The following KSR2 variants were observed in gnomAD, a reference collection of about 807,000 sequenced individuals.
KSR2 encodes kinase suppressor of ras 2.
A neutral mutation model predicts 107.8 loss-of-function variants in KSR2; 25 were observed. The ratio of observed to expected loss-of-function variants is 0.23; its 90% CI spans 0.17 to 0.32. KSR2 has a LOEUF of 0.32. Among genes scored for constraint, KSR2 ranks in the 10% least tolerant of loss-of-function variants. KSR2 has a pLI of 1.00. For synonymous variants in KSR2, 480 were observed against 507.0 expected (o/e 0.95, Z 0.71); for missense variants, 887 against 1,268.9 (o/e 0.70, Z 4.57).
At chr12:117,559,142 C>G (rs1164856193) in intron 7 of KSR2, among the ~76,000 whole-genome samples, 4 of 151,996 alleles carry the variant, frequency 2.6e-5, no homozygotes, top group Non-Finnish European at 4.4e-5. Context: ...GTCTGGAAAG[C>G]TCTGGGTGCT....
chr12:117,935,895 C>A (rs534988209), intron 1 of KSR2, among the ~76,000 whole-genome samples: 13 of 152,338 alleles, frequency 8.5e-5, no homozygotes, highest in African/African-American at 3.1e-4. Flanking sequence ...CTTTTCCCCC[C>A]AGAGGTCCCC....
intron 5 of KSR2, among the ~76,000 whole-genome samples, chr12:117,659,876 G>A (rs1884352194): frequency 6.6e-6 from 1 of 152,218 alleles, no homozygotes; most frequent in Admixed American, 6.5e-5. Context: ...TTTAAAATGG[G>A]AGAGTGCTTG....
intron 1 of KSR2, among the ~76,000 whole-genome samples, chr12:117,870,425 A>AC: frequency 6.6e-6 from 1 of 152,026 alleles, no homozygotes; most frequent in Non-Finnish European, 1.5e-5. Context: ...ACATAGTGAA[A>AC]CCCCATCTCT....
intron 5 of KSR2, among the ~76,000 whole-genome samples, chr12:117,644,028 T>G (rs1205060209): frequency 6.6e-6 from 1 of 152,236 alleles, no homozygotes; most frequent in African/African-American, 2.4e-5. Flanking sequence ...CACAGGCTGA[T>G]CTGTCTGTCG....
Position 117,964,169 on chromosome 12 carries a change from T to C in KSR2, c.180+3907A>G, listed in dbSNP as rs574089645. Among the ~76,000 whole-genome samples, 38 of 152,158 alleles carry C rather than the reference T, an allele frequency of 2.5e-4. No individual in the cohort carries two copies. The South Asian group carries it at 5.4e-3, about 22-fold the overall frequency. On this transcript the variant is annotated intron_variant, in intron 1 of 19. Transcript: ENST00000339824. Reference sequence around the variant, plus strand: ...GGCGGGCATCTGTAATCCCAGCTATTTGGGAGGCTGAGGCAAGAGAATCAC... The same window carrying C: ...GGCGGGCATCTGTAATCCCAGCTATCTGGGAGGCTGAGGCAAGAGAATCAC...
chr12:117,732,102 C>G (rs970504694), intron 4 of KSR2, among the ~76,000 whole-genome samples: 1 of 151,770 alleles, frequency 6.6e-6, no homozygotes, highest in Non-Finnish European at 1.5e-5. Flanking sequence ...TGCCACAGTT[C>G]TCTCTCTACC....
intron 4 of KSR2, among the ~76,000 whole-genome samples, chr12:117,698,357 A>C (rs543969175): frequency 6.6e-6 from 1 of 151,212 alleles, no homozygotes; most frequent in East Asian, 1.9e-4. Context: ...GGATCTCACT[A>C]TAGGCTGGCA....
At chr12:117,698,695 C>T (rs1886172165) in intron 4 of KSR2, among the ~76,000 whole-genome samples, 1 of 152,186 alleles carries the variant, frequency 6.6e-6, no homozygotes, top group African/African-American at 2.4e-5. Context: ...ACACCCAGAT[C>T]CAGAGCTCCA....
At chr12:117,703,071 C>T (rs151290754) in intron 4 of KSR2, among the ~76,000 whole-genome samples, 73 of 151,910 alleles carry the variant, frequency 4.8e-4, no homozygotes, top group African/African-American at 1.6e-3. Context: ...ACCCAAGAAA[C>T]GAGGGGGAAC....
chr12:117,575,629 T>C (rs1164778659), intron 7 of KSR2, among the ~76,000 whole-genome samples: 3 of 152,216 alleles, frequency 2.0e-5, no homozygotes, highest in Non-Finnish European at 4.4e-5. Flanking sequence ...ATATTAGCAA[T>C]GCATGCTCAT....
intron 4 of KSR2, among the ~76,000 whole-genome samples, chr12:117,731,215 T>C (rs1212644033): frequency 9.7e-6 from 1 of 102,964 alleles, no homozygotes; most frequent in Admixed American, 9.7e-5. Context: ...GTCTGGGAGG[T>C]GAGGAGTGTC....
chr12:117,956,824 A>C (rs1213962190), intron 1 of KSR2, among the ~76,000 whole-genome samples: 1 of 152,190 alleles, frequency 6.6e-6, no homozygotes, highest in East Asian at 1.9e-4. Flanking sequence ...TTTGACACTA[A>C]CAGCACATTT....
intron 4 of KSR2, among the ~76,000 whole-genome samples, chr12:117,670,185 G>A (rs1319408239): frequency 6.6e-6 from 1 of 152,070 alleles, no homozygotes; most frequent in East Asian, 1.9e-4. Flanking sequence ...CATAAAACAT[G>A]GACATTTAAA....
chr12:117,762,452 C>T (rs1889070585), intron 3 of KSR2, among the ~76,000 whole-genome samples: 1 of 152,174 alleles, frequency 6.6e-6, no homozygotes, highest in Non-Finnish European at 1.5e-5. Context: ...CAGATGAGAC[C>T]CTGGTCCCCT....
chr12:117,497,818 G>C (rs1475984399), intron 14 of KSR2, among the ~76,000 whole-genome samples: 1 of 152,196 alleles, frequency 6.6e-6, no homozygotes, highest in African/African-American at 2.4e-5. Context: ...GCTCAGCCTT[G>C]CTTTGGAGAC....
intron 4 of KSR2, among the ~76,000 whole-genome samples, chr12:117,740,365 ATATT>A (rs1293878494): frequency 1.4e-5 from 2 of 141,120 alleles, no homozygotes; most frequent in African/African-American, 2.6e-5. Flanking sequence ...TAGTATATAT[ATATT>A]AGATATGTTA....
At chr12:117,567,537 A>C (rs10850842) in intron 7 of KSR2, among the ~76,000 whole-genome samples, 42,275 of 151,556 alleles carry the variant, frequency 0.28, 6,263 homozygotes, top group Middle Eastern at 0.42. Context: ...TTGAAAAGAC[A>C]CCCTCTGGCA....
At chr12:117,850,433 A>C (rs1892877950) in intron 3 of KSR2, among the ~76,000 whole-genome samples, 1 of 152,228 alleles carries the variant, frequency 6.6e-6, no homozygotes, top group South Asian at 2.1e-4. Context: ...AGCCTCATCT[A>C]GAAAACTCTA....
chr12:117,592,262 C>T (rs1880367952), intron 5 of KSR2, among the ~76,000 whole-genome samples: 3 of 151,798 alleles, frequency 2.0e-5, no homozygotes, highest in Admixed American at 2.0e-4. Context: ...TACAGGTACC[C>T]ACAACCACGA....
Sources: gnomAD v4.1 joint callset for allele counts (sites outside exome capture counted in the v4.1 genomes callset) on GRCh38, gnomAD v4.1.1 for gene constraint, MANE v1.5 for transcripts, NCBI Gene and HGNC (gene_info 2026-07-23, HGNC 2026-07-21) for gene names.